Variants in ODF2 observed in about 807,000 individuals in gnomAD.
ODF2 encodes outer dense fiber protein 2.
ODF2 carries 47 observed loss-of-function variants against 110.2 expected under a neutral mutation model. The ratio of observed to expected loss-of-function variants is 0.43; its 90% confidence interval spans 0.34 to 0.54. The LOEUF (loss-of-function observed/expected upper bound fraction) is 0.54, where lower values mean the gene tolerates loss of function less well. Among genes scored for constraint, ODF2 ranks in the 20% least tolerant of loss-of-function variants. The pLI is 0.03. For synonymous variants in ODF2, 352 were observed against 397.7 expected (o/e 0.89, Z 1.37); for missense variants, 812 against 1,054.5 (o/e 0.77, Z 3.19).
intron 8 of ODF2, among the ~76,000 whole-genome samples, chr9:128,480,359 T>G (rs1842164708): frequency 6.6e-6 from 1 of 152,242 alleles, no homozygotes; most frequent in African/African-American, 2.4e-5. Flanking sequence ...TCAAGCTGAT[T>G]AACACATCCA....
At chr9:128,497,299 G>A (rs1324412622) in intron 18 of ODF2, among the ~76,000 whole-genome samples, 2 of 150,252 alleles carry the variant, frequency 1.3e-5, no homozygotes, top group Non-Finnish European at 3.0e-5. Context: ...CTAAGAGGTA[G>A]GCAAGAGGCC....
intron 18 of ODF2, among the ~76,000 whole-genome samples, chr9:128,496,743 A>G (rs1564531349): frequency 6.8e-6 from 1 of 147,890 alleles, no homozygotes; most frequent in Non-Finnish European, 1.5e-5. Context: ...TCTATCTATC[A>G]TCTATCTATC....
chr9:128,465,147 G>A (rs967574168), intron 4 of ODF2, among the ~76,000 whole-genome samples: 6 of 152,126 alleles, frequency 3.9e-5, no homozygotes, highest in African/African-American at 1.4e-4. Context: ...GTCCCAGAGA[G>A]GTGGCCTGCC....
intron 5 of ODF2, among the ~76,000 whole-genome samples, chr9:128,470,342 CCTT>C (rs1184790428): frequency 6.6e-6 from 1 of 150,870 alleles, no homozygotes; most frequent in African/African-American, 2.4e-5. Context: ...TAGAATAGGC[CCTT>C]CTTGGCCAGG....
intron 4 of ODF2, 105 bp downstream of exon 4, chr9:128,461,172 A>G: frequency 7.1e-7 from 1 of 1,415,474 alleles, no homozygotes; most frequent in Non-Finnish European, 9.6e-7. Flanking sequence ...GAATGTCCTA[A>G]CAGACCCCAT....
intron 3 of ODF2, 37 bp downstream of exon 3, chr9:128,460,703 G>T: frequency 6.2e-7 from 1 of 1,612,002 alleles, no homozygotes; most frequent in African/African-American, 1.3e-5. Flanking sequence ...AGTAGCTGTG[G>T]ATCTGGGTGA....
At chr9:128,496,350 A>G (rs1227074730) in intron 18 of ODF2, 2 of 1,424,758 alleles carry the variant, frequency 1.4e-6, no homozygotes, top group Non-Finnish European at 9.3e-7. Flanking sequence ...GAGACACTCC[A>G]TGACAGCATG....
intron 1 of ODF2, chr9:128,456,813 CTG>C (rs1834966184): frequency 1.6e-6 from 2 of 1,236,070 alleles, no homozygotes; most frequent in Non-Finnish European, 2.1e-6. Flanking sequence ...GCTCAGAACT[CTG>C]TTCGGTTTTC....
At chr9:128,473,109 C>T (rs1840429083) in intron 7 of ODF2, 67 bp downstream of exon 7, 1 of 1,605,728 alleles carries the variant, frequency 6.2e-7, no homozygotes, top group Non-Finnish European at 8.5e-7. Flanking sequence ...GCAGGCTGGG[C>T]AGGGTCTTTA....
intron 2 of ODF2, among the ~76,000 whole-genome samples, chr9:128,457,855 G>A (rs1363238359): frequency 6.6e-6 from 1 of 151,540 alleles, no homozygotes; most frequent in Non-Finnish European, 1.5e-5. Context: ...CGTGAACAAT[G>A]TTCTAAATGA....
rs527524035 is a variant in ODF2 at position 128,479,872 on chromosome 9, T to C, written c.844-1708T>C. Among the ~76,000 whole-genome samples, 26 of 152,334 alleles carry C rather than the reference T, an allele frequency of 1.7e-4. No homozygotes were observed. In the South Asian group the frequency reaches 5.2e-3, roughly 30 times the overall value. ...AATGGCTGCTTAATGGTACAGGGTT[T>C]CTTTTTTGGGTGATGAAAATGTTGT... On this transcript the variant is annotated intron_variant, in intron 8 of 20. Transcript: ENST00000604420.
At chr9:128,480,341 C>T (rs1842159813) in intron 8 of ODF2, among the ~76,000 whole-genome samples, 1 of 152,044 alleles carries the variant, frequency 6.6e-6, no homozygotes, top group Non-Finnish European at 1.5e-5. Context: ...GTAAAGTGAC[C>T]ACCTCAATCA....
intron 8 of ODF2, among the ~76,000 whole-genome samples, chr9:128,475,935 C>T (rs373999764): frequency 1.6e-4 from 24 of 152,094 alleles, no homozygotes; most frequent in South Asian, 6.3e-4. Flanking sequence ...TAAGCCACCG[C>T]GCCCGGCCGA....
chr9:128,481,272 A>G (rs1217875031), intron 8 of ODF2, among the ~76,000 whole-genome samples: 2 of 152,122 alleles, frequency 1.3e-5, no homozygotes, highest in Non-Finnish European at 2.9e-5. Flanking sequence ...GGAGTTCAAG[A>G]CCAGCCTGGG....
chr9:128,500,061 C>T lies in ODF2; in HGVS notation c.2302-6C>T, dbSNP rs200245395. The T allele has an allele frequency of 6.9e-5, 111 of 1,614,166 alleles. No individual in the cohort carries two copies. In the African/African-American group the frequency reaches 1.1e-3, roughly 16 times the overall value. ...AGCGGGCCCATGCTCTGTTTCTCCT[C>T]GTTAGGCGGACCGCCGCTACCAGAG... is the stretch of plus-strand genomic sequence containing the variant. On this transcript the variant is annotated splice_region_variant and splice_polypyrimidine_tract_variant and intron_variant, in intron 20 of 20. Transcript: ENST00000604420.
intron 4 of ODF2, among the ~76,000 whole-genome samples, chr9:128,465,993 A>C (rs577966787): frequency 6.6e-6 from 1 of 151,208 alleles, no homozygotes; most frequent in Non-Finnish European, 1.5e-5. Context: ...TACAAAAATT[A>C]CCCTGGCGTG....
exon 21 of ODF2, chr9:128,500,455 T>C (rs975537136): frequency 1.6e-5 from 9 of 569,164 alleles, no homozygotes; most frequent in African/African-American, 9.3e-5. Flanking sequence ...CTTCCTGATA[T>C]AGTCACCTGT....
intron 3 of ODF2, chr9:128,460,078 G>A: frequency 1.7e-6 from 2 of 1,190,716 alleles, no homozygotes; most frequent in Admixed American, 4.6e-5. Context: ...CTGTTTTCCT[G>A]TTCTTTGATC....
In ODF2 at chr9:128,459,605, C is replaced by T. The variant is rs200525379; in HGVS notation, c.71C>T (p.Thr24Met). Residue 24 changes from threonine to methionine, a missense_variant, in exon 3 of 21, where the codon ACG becomes ATG. By Grantham distance (81) the Thr-to-Met change is moderately conservative. Transcript: ENST00000604420. The stretch of plus-strand genomic sequence containing the variant: ...GGGAAGAACGGAGTAACGAGTCTCA[C>T]GCAGAAAAAGGTCTTGAGAGCACCT... 325 of 1,613,996 alleles carry T rather than the reference C, an allele frequency of 2.0e-4. No homozygotes were observed. Among genetic ancestry groups the T allele is most frequent in the Middle Eastern group, 3.3e-4 (2 of 6,060 alleles).
Sources: allele counts gnomAD v4.1 joint callset (sites outside exome capture counted in the v4.1 genomes callset), GRCh38; gene constraint gnomAD v4.1.1; transcripts MANE v1.5; gene names NCBI Gene and HGNC (gene_info 2026-07-23, HGNC 2026-07-21).